LRRC9: variants seen among roughly 807,000 people sequenced by gnomAD.
LRRC9 encodes the protein leucine rich repeat containing 9.
In LRRC9, 122 loss-of-function variants were observed where a neutral mutation model predicts 63.2. The ratio of observed to expected loss-of-function variants is 1.93; its 90% CI spans 1.67 to 2.24. The LOEUF (loss-of-function observed/expected upper bound fraction) is 2.24. Ranked by LOEUF, LRRC9 falls within the 30% of genes most tolerant of loss-of-function variation. LRRC9 has a pLI of 0.00. For synonymous variants in LRRC9, 366 were observed against 213.1 expected (o/e 1.72, Z -6.25); for missense variants, 1,071 against 627.7 (o/e 1.71, Z -7.55).
At chr14:60,064,394 C>T (rs1312849004), downstream of LRRC9, among the ~76,000 whole-genome samples, 1 of 152,098 alleles carries the variant, frequency 6.6e-6, no homozygotes, top group Non-Finnish European at 1.5e-5. Flanking sequence ...TTTATACTTT[C>T]CTTACACGAA....
chr14:59,942,992 G>A lies in LRRC9; in HGVS notation c.727-1597G>A, dbSNP rs1350923526. Among the ~76,000 whole-genome samples, 1 of 148,666 alleles carries A rather than the reference G, an allele frequency of 6.7e-6. No individual in the cohort carries two copies. Among genetic ancestry groups the A allele is most frequent in the East Asian group, 2.0e-4 (1 of 4,950 alleles). ...GTGTGTGTGTGTTTCATTTGTGTGT[G>A]CGTATGTGTTGGTTTTTTTGTATTT... On this transcript the variant is annotated intron_variant, in intron 7 of 31. Coordinates refer to ENST00000445360, the Ensembl canonical transcript of LRRC9. This position sits in a 1 kb window ranked among gnomAD's most constrained non-coding sequence, Gnocchi z 5.3.
chr14:60,032,456 A>G (rs925841187), intron 29 of LRRC9, among the ~76,000 whole-genome samples: 1 of 151,950 alleles, frequency 6.6e-6, no homozygotes, highest in Non-Finnish European at 1.5e-5. Flanking sequence ...TTGGCCCTTT[A>G]CACTTTTCTA....
At chr14:60,044,811 G>C (rs1168153951) in intron 29 of LRRC9, among the ~76,000 whole-genome samples, 1 of 152,196 alleles carries the variant, frequency 6.6e-6, no homozygotes, top group Non-Finnish European at 1.5e-5. Context: ...GTTAGATCTA[G>C]TGTATAGTTT....
chr14:59,926,658 C>T (rs1033753), intron 1 of LRRC9, among the ~76,000 whole-genome samples: 62,597 of 151,978 alleles, frequency 0.41, 13,436 homozygotes, highest in East Asian at 0.58. Flanking sequence ...TAACTTCTAA[C>T]ACTACAGTTT....
Position 59,919,924 on chromosome 14 carries a change from G to A in LRRC9, c.-34+41G>A, listed in dbSNP as rs1323439446. The A allele has an allele frequency of 6.6e-6, 1 of 152,268 alleles. No homozygotes were observed. The highest frequency in any genetic ancestry group is 1.5e-5 in the Non-Finnish European group (1 of 68,068). The allele number at this position is 152,268 out of a possible 1,614,324, so 9.4% of individuals were successfully genotyped here. The stretch of plus-strand genomic sequence containing the variant: ...AGCGCAGGTACAGAAAAACCTGCCA[G>A]CGAGAAGCTCCCGCCGTTTCCCAGG... On this transcript the variant is annotated intron_variant, in intron 1 of 31. Coordinates refer to ENST00000445360, the Ensembl canonical transcript of LRRC9. This position sits in a 1 kb window ranked among gnomAD's most constrained non-coding sequence, Gnocchi z 4.5.
In LRRC9 at chr14:59,938,991, A is replaced by ACT. The variant is rs1881412222; in HGVS notation, c.726+419_726+420insCT. Among the ~76,000 whole-genome samples the ACT allele has an allele frequency of 7.1e-6, 1 of 140,190 alleles. No homozygotes were observed. The highest frequency in any genetic ancestry group is 7.4e-5 in the Admixed American group (1 of 13,578). 92.0% of individuals were successfully genotyped at this position (140,190 alleles called of 152,430 possible). ...TATACATATATACATATATACACAC[A>ACT]TATATACATATACATATATACACAT... is the stretch of plus-strand genomic sequence containing the variant. On this transcript the variant is annotated intron_variant, in intron 7 of 31. Coordinates refer to ENST00000445360, the Ensembl canonical transcript of LRRC9. This position sits in a 1 kb window ranked among gnomAD's most constrained non-coding sequence, Gnocchi z 4.2.
At chr14:59,940,846 A>C (rs1881683521) in intron 7 of LRRC9, among the ~76,000 whole-genome samples, 1 of 152,128 alleles carries the variant, frequency 6.6e-6, no homozygotes. Flanking sequence ...TGAATTTAGC[A>C]TTATAATTAG....
chr14:59,995,647 T>C (rs1888684627), intron 17 of LRRC9, among the ~76,000 whole-genome samples: 1 of 152,164 alleles, frequency 6.6e-6, no homozygotes, highest in South Asian at 2.1e-4. Context: ...TTTAATGAGT[T>C]CCTGGAATCT....
chr14:60,012,922 TA>T (rs1890362953), intron 23 of LRRC9, among the ~76,000 whole-genome samples: 2 of 138,412 alleles, frequency 1.4e-5, no homozygotes, highest in South Asian at 4.7e-4. Context: ...ATTTTTTATT[TA>T]TTTTTTGTAC....
At position 60,060,149 on chromosome 14, in the gene LRRC9, A is replaced by G. The variant is rs1355625022; in HGVS notation, c.4276+2127A>G. 1.3e-5 allele frequency among the ~76,000 whole-genome samples: 2 copies of G among 152,204 alleles called. No individual in the cohort carries two copies. Among genetic ancestry groups the G allele is most frequent in the Non-Finnish European group, 2.9e-5 (2 of 68,024 alleles). ...AAATCTACTTTGTCTATGCTCTATC[A>G]GTCTATGCTCTATCAATGTACAAAG... On this transcript the variant is annotated intron_variant, in intron 31 of 31. Transcript: ENST00000445360. This position sits in a 1 kb window ranked among gnomAD's most constrained non-coding sequence, Gnocchi z 4.0.
At chr14:60,011,624 T>C (rs564213462) in intron 23 of LRRC9, among the ~76,000 whole-genome samples, 1 of 152,286 alleles carries the variant, frequency 6.6e-6, no homozygotes, top group Non-Finnish European at 1.5e-5. Flanking sequence ...CACAAATTAT[T>C]TGTGGAATAA....
chr14:60,022,997 TA>T (rs1891232636), intron 27 of LRRC9, 127 bp downstream of exon 27: 1 of 405,358 alleles, frequency 2.5e-6, no homozygotes, highest in Non-Finnish European at 4.4e-6. Flanking sequence ...AATATTTTAA[TA>T]ATCACAAATT....
chr14:59,948,254 T>C (rs957231004), intron 8 of LRRC9, among the ~76,000 whole-genome samples: 22 of 124,628 alleles, frequency 1.8e-4, no homozygotes, highest in Non-Finnish European at 3.1e-4. Context: ...CTAGGTATTT[T>C]ATTCTCTTTG....
At chr14:60,037,151 A>T (rs1711684307) in intron 29 of LRRC9, among the ~76,000 whole-genome samples, 1 of 152,112 alleles carries the variant, frequency 6.6e-6, no homozygotes, top group Admixed American at 6.6e-5. Context: ...ACATTTTCTT[A>T]ATCCAGTCTA....
chr14:60,012,476 G>C (rs762179750), intron 23 of LRRC9, among the ~76,000 whole-genome samples: 4 of 152,118 alleles, frequency 2.6e-5, no homozygotes, highest in South Asian at 4.1e-4. Context: ...TTGCATTAAG[G>C]ATACATATTC....
At chr14:59,984,730 C>T (rs1024596697) in intron 16 of LRRC9, among the ~76,000 whole-genome samples, 1 of 152,102 alleles carries the variant, frequency 6.6e-6, no homozygotes, top group Non-Finnish European at 1.5e-5. Flanking sequence ...CTACCTGATA[C>T]CCCAAATCTT....
chr14:60,033,965 GAGA>G (rs1375016347), intron 29 of LRRC9, among the ~76,000 whole-genome samples: 2 of 149,922 alleles, frequency 1.3e-5, no homozygotes, highest in Non-Finnish European at 3.0e-5. Context: ...AAGTTATTCT[GAGA>G]AGTTGTATTA....
At position 59,982,549 on chromosome 14, in the gene LRRC9, T is replaced by C. The variant is rs138065657; in HGVS notation, c.2091+489T>C. ...GAGCAAGAGAGCCAGAGAGAGCTGA[T>C]TTTATAACAAATTTACTCCCAAGAT... On this transcript the variant is annotated intron_variant, in intron 16 of 31. Transcript: ENST00000445360. 3.5e-4 allele frequency among the ~76,000 whole-genome samples: 54 copies of C among 152,264 alleles called. 1 individual carries two copies. In the East Asian group the frequency reaches 0.01, roughly 28 times the overall value.
chr14:59,969,916 C>T (rs1885286561), intron 12 of LRRC9, among the ~76,000 whole-genome samples: 1 of 152,140 alleles, frequency 6.6e-6, no homozygotes, highest in African/African-American at 2.4e-5. Flanking sequence ...AGCTGCCATT[C>T]CTGCATGGTT....
Sources: allele counts gnomAD v4.1 joint callset (sites outside exome capture counted in the v4.1 genomes callset), GRCh38; gene constraint gnomAD v4.1.1; non-coding constraint Gnocchi (gnomAD v3.1); transcripts MANE v1.5; gene names NCBI Gene and HGNC (gene_info 2026-07-23, HGNC 2026-07-21).